ZNF783: variants seen among roughly 807,000 people sequenced by gnomAD.
The protein encoded by ZNF783 is zinc finger protein 783, also known as protein ZNF783.
In ZNF783, 25 loss-of-function variants were observed where a neutral mutation model predicts 31.3. The ratio of observed to expected loss-of-function variants is 0.80; its 90% CI spans 0.58 to 1.11. ZNF783 has a LOEUF of 1.11. Ranked by LOEUF, ZNF783 falls within the 50% of genes most tolerant of loss-of-function variation. The probability of loss-of-function intolerance (pLI) is 0.00; values close to 1 mark genes in which losing one functional copy is unlikely to be tolerated. For missense variants in ZNF783, 797 were observed against 760.0 expected (o/e 1.05, Z -0.57); for synonymous variants, 369 against 319.1 (o/e 1.16, Z -1.66).
Position 149,267,277 on chromosome 7 carries a change from C to T in ZNF783, c.673+55C>T, listed in dbSNP as rs139978869. ...GGCCGCCAGGGGCTAGCTGCACCAT[C>T]GCCTACCCTCTCGGGCTTCCCAGAC... On this transcript the variant is annotated intron_variant, in intron 4 of 5. Transcript: ENST00000434415. 464 of 1,530,262 alleles carry T rather than the reference C, an allele frequency of 3.0e-4. 2 individuals are homozygous for T. In the East Asian group the frequency reaches 9.2e-3, roughly 30 times the overall value. The allele number at this position is 1,530,262 out of a possible 1,614,324, so 94.8% of individuals were successfully genotyped here.
intron 4 of ZNF783, among the ~76,000 whole-genome samples, chr7:149,271,017 C>T (rs1259201135): frequency 6.6e-6 from 1 of 152,202 alleles, no homozygotes; most frequent in Admixed American, 6.5e-5. Flanking sequence ...TCACTCACTG[C>T]AAGCTCCACC....
intron 1 of ZNF783, among the ~76,000 whole-genome samples, chr7:149,263,335 A>T (rs962305465): frequency 3.0e-5 from 4 of 132,952 alleles, no homozygotes; most frequent in Non-Finnish European, 3.3e-5. Context: ...TTTTTTTTTT[A>T]GACACAGTCT....
intron 4 of ZNF783, among the ~76,000 whole-genome samples, chr7:149,270,569 T>C (rs1797187128): frequency 1.3e-5 from 2 of 152,248 alleles, no homozygotes; most frequent in Admixed American, 6.5e-5. Context: ...TTATTGTGAC[T>C]TCACAGATAA....
In ZNF783 at chr7:149,262,313, C is replaced by T. The variant is rs953051437; in HGVS notation, c.-21C>T. 4.4e-6 allele frequency: 6 copies of T among 1,358,602 alleles called. No homozygotes were observed. In the African/African-American group the frequency reaches 7.6e-5, roughly 17 times the overall value. 84.2% of individuals were successfully genotyped at this position (1,358,602 alleles called of 1,614,324 possible). ...CAGGCCGGGTCCAGGGACTGCAACCCAGCGAGGGACGCGGGCAGCCATGGC... is the reference window on the plus strand; with the variant it reads ...CAGGCCGGGTCCAGGGACTGCAACCTAGCGAGGGACGCGGGCAGCCATGGC... On this transcript the variant is annotated 5_prime_UTR_variant, in exon 1 of 6. Transcript: ENST00000434415.
At position 149,278,343 on chromosome 7, in the gene ZNF783, C is replaced by A. The variant is rs183592554; in HGVS notation, c.674-56C>A. ...TGCCTTTCCCCAGAGGGTCCCTGGT[C>A]ATCTGGGCAGGAGACCTCCATGTTG... On this transcript the variant is annotated intron_variant, in intron 4 of 5. Transcript: ENST00000434415. The A allele has an allele frequency of 1.4e-4, 221 of 1,592,746 alleles. 1 individual carries two copies. Among genetic ancestry groups the A allele is most frequent in the Admixed American group, 2.0e-4 (12 of 59,640 alleles).
At chr7:149,272,831 T>C (rs1797238837) in intron 4 of ZNF783, among the ~76,000 whole-genome samples, 1 of 152,240 alleles carries the variant, frequency 6.6e-6, no homozygotes, top group Non-Finnish European at 1.5e-5. Flanking sequence ...ATGCTAGATC[T>C]TATTCATTCT....
chr7:149,262,556 G>T (rs1157618768), intron 1 of ZNF783, among the ~76,000 whole-genome samples, 199 bp downstream of exon 1: 3 of 152,350 alleles, frequency 2.0e-5, no homozygotes, highest in African/African-American at 7.2e-5. Flanking sequence ...CGGCGGGCGG[G>T]GCCCCGACGT....
intron 1 of ZNF783, among the ~76,000 whole-genome samples, chr7:149,265,242 G>A (rs2129524733): frequency 6.6e-6 from 1 of 152,338 alleles, no homozygotes; most frequent in South Asian, 2.1e-4. Context: ...CCAGGACTGT[G>A]CCCATTGCGC....
chr7:149,275,940 A>T (rs7791855), intron 4 of ZNF783: 1 of 152,014 alleles, frequency 6.6e-6, no homozygotes, highest in Non-Finnish European at 1.5e-5. Flanking sequence ...TGTCACTCAG[A>T]CTGGAGTCGT....
At chr7:149,273,422 C>T (rs867111446) in intron 4 of ZNF783, among the ~76,000 whole-genome samples, 2 of 152,044 alleles carry the variant, frequency 1.3e-5, no homozygotes, top group Non-Finnish European at 2.9e-5. Context: ...TGTTATTGCC[C>T]GTCTTTTGGA....
At position 149,262,198 on chromosome 7, in the gene ZNF783, G is replaced by GA. The variant is rs1563192321; in HGVS notation, c.-135dup. 1 of 752,604 alleles carries GA rather than the reference G, an allele frequency of 1.3e-6. No individual in the cohort carries two copies. The highest frequency in any genetic ancestry group is 4.0e-5 in the East Asian group (1 of 25,074). The allele number at this position is 752,604 out of a possible 1,614,324, so 46.6% of individuals were successfully genotyped here. ...AGGGCCAGCGGGGCACGTGGCTCGGGACGCAGTTCGCTGCCGCCCGGCAGT... is the reference window on the plus strand; with the variant it reads ...AGGGCCAGCGGGGCACGTGGCTCGGGAACGCAGTTCGCTGCCGCCCGGCAGT... On this transcript the variant is annotated 5_prime_UTR_variant, in exon 1 of 6. Transcript: ENST00000434415.
chr7:149,281,877 C>T lies in ZNF783; in HGVS notation c.1175C>T (p.Ala392Val), dbSNP rs773469591. Residue 392 changes from alanine to valine, a missense_variant, in exon 6 of 6, where the codon GCC becomes GTC. By Grantham distance (64) the Ala-to-Val change is moderately conservative. Transcript: ENST00000434415. ...RSPTSCGDSQAMLEPGEVVVP... is the reference protein window; with the variant it reads ...RSPTSCGDSQVMLEPGEVVVP... ...CCCACCAGCTGCGGGGACAGCCAGG[C>T]CATGCTGGAGCCGGGGGAGGTGGTG... The T allele has an allele frequency of 6.6e-7, 1 of 1,508,070 alleles. No individual in the cohort carries two copies. Among genetic ancestry groups the T allele is most frequent in the East Asian group, 2.3e-5 (1 of 42,840 alleles). 93.4% of individuals were successfully genotyped at this position (1,508,070 alleles called of 1,614,324 possible). A position where few individuals can be genotyped will look rare whatever the true frequency, so the allele number is the denominator to read the frequency against.
At chr7:149,268,544 A>G (rs1249804228) in intron 4 of ZNF783, among the ~76,000 whole-genome samples, 1 of 152,210 alleles carries the variant, frequency 6.6e-6, no homozygotes, top group African/African-American at 2.4e-5. Flanking sequence ...TTACATGGGT[A>G]TATTGTGCCC....
intron 1 of ZNF783, 22 bp downstream of exon 1, chr7:149,262,379 G>A: frequency 7.9e-7 from 1 of 1,270,096 alleles, no homozygotes; most frequent in Non-Finnish European, 9.9e-7. Flanking sequence ...CGGCCCCGCG[G>A]ACGCCCGGAA....
At chr7:149,273,981 C>G (rs539572012) in intron 4 of ZNF783, among the ~76,000 whole-genome samples, 12 of 152,274 alleles carry the variant, frequency 7.9e-5, no homozygotes, top group African/African-American at 2.4e-4. Flanking sequence ...AATCCCTTGT[C>G]AGATGGATAA....
intron 4 of ZNF783, 135 bp downstream of exon 4, chr7:149,267,357 T>C: frequency 8.2e-7 from 1 of 1,225,752 alleles, no homozygotes; most frequent in South Asian, 1.6e-5. Flanking sequence ...GGGACCACTC[T>C]GTACAAGGCC....
intron 1 of ZNF783, 21 bp downstream of exon 1, chr7:149,262,378 G>A: frequency 7.9e-7 from 1 of 1,270,034 alleles, no homozygotes; most frequent in Non-Finnish European, 9.9e-7. Context: ...TCGGCCCCGC[G>A]GACGCCCGGA....
At chr7:149,279,632 GTT>G (rs764203926) in intron 5 of ZNF783, among the ~76,000 whole-genome samples, 3,450 of 100,314 alleles carry the variant, frequency 0.034, 50 homozygotes, top group Non-Finnish European at 0.043. Flanking sequence ...TTTTATCTTT[GTT>G]TTTTTTTTTT....
At chr7:149,273,567 G>T (rs1013702109) in intron 4 of ZNF783, among the ~76,000 whole-genome samples, 5 of 150,820 alleles carry the variant, frequency 3.3e-5, no homozygotes, top group Non-Finnish European at 5.9e-5. Context: ...TTGAGATAGG[G>T]TCTCACTCTG....
Sources: gnomAD v4.1 joint callset for allele counts (sites outside exome capture counted in the v4.1 genomes callset) on GRCh38, gnomAD v4.1.1 for gene constraint, MANE v1.5 for transcripts, NCBI Gene and HGNC (gene_info 2026-07-23, HGNC 2026-07-21) for gene names.